Variants in KAZN observed in about 807,000 individuals in gnomAD.
The protein encoded by KAZN is kazrin, periplakin interacting protein, also known as kazrin.
In KAZN, 40 loss-of-function variants were observed where a neutral mutation model predicts 87.4. The ratio of observed to expected loss-of-function variants is 0.46; its 90% CI spans 0.36 to 0.60. The LOEUF is 0.60. Ranked by LOEUF, KAZN falls within the 20% of genes least tolerant of loss-of-function variation. The probability of loss-of-function intolerance (pLI) is 0.00; values close to 1 mark genes in which losing one functional copy is unlikely to be tolerated. For missense variants in KAZN, 898 were observed against 1,073.9 expected (o/e 0.84, Z 2.29); for synonymous variants, 466 against 458.3 (o/e 1.02, Z -0.22).
intron 1 of KAZN, among the ~76,000 whole-genome samples, chr1:13,960,697 T>G (rs1277778101): frequency 6.6e-6 from 1 of 152,224 alleles, no homozygotes; most frequent in Non-Finnish European, 1.5e-5. Context: ...CTTGGGCTAG[T>G]GTCTCCCAGG....
rs79019876 is a variant in KAZN at position 14,329,232 on chromosome 1, T to A, written c.249+148640T>A. On this transcript the variant is annotated intron_variant, in intron 2 of 16. Coordinates refer to the KAZN transcript ENST00000636203. The stretch of plus-strand genomic sequence containing the variant: ...TAACAACACTGAGCTTGTAACCTAC[T>A]AGATTAGCGGCTCCAGCAGAAGGAG... 6.1e-3 allele frequency among the ~76,000 whole-genome samples: 921 copies of A among 152,210 alleles called. 23 individuals are homozygous for A. In the East Asian group the frequency reaches 0.067, roughly 11 times the overall value.
chr1:14,678,434 C>A (rs1316948461), intron 1 of KAZN, among the ~76,000 whole-genome samples: 2 of 152,244 alleles, frequency 1.3e-5, no homozygotes, highest in African/African-American at 2.4e-5. Context: ...GCACTGTTGA[C>A]TTCCCTACTT....
chr1:14,993,167 TA>T (rs57404016), intron 2 of KAZN, among the ~76,000 whole-genome samples: 30,725 of 132,862 alleles, frequency 0.23, 3,236 homozygotes, highest in South Asian at 0.27. Flanking sequence ...CATAAGCAAT[TA>T]AAAAAAAAAA....
chr1:14,985,114 C>A (rs565372689), intron 2 of KAZN, among the ~76,000 whole-genome samples: 2 of 137,396 alleles, frequency 1.5e-5, no homozygotes, highest in East Asian at 2.2e-4. Context: ...CCAGCCTGGG[C>A]GACAGAGCAA....
chr1:15,019,967 G>A (rs527567575), intron 2 of KAZN, among the ~76,000 whole-genome samples: 3 of 152,196 alleles, frequency 2.0e-5, no homozygotes, highest in Non-Finnish European at 4.4e-5. Context: ...AGTAACACAC[G>A]GACAGCGTTG....
intron 1 of KAZN, among the ~76,000 whole-genome samples, chr1:14,145,376 C>T (rs190250250): frequency 8.8e-4 from 134 of 152,018 alleles, no homozygotes; most frequent in African/African-American, 3.1e-3. Context: ...TCAAGGAGGT[C>T]GAGGCTGCAG....
chr1:14,167,648 TG>T (rs909927655), intron 1 of KAZN, among the ~76,000 whole-genome samples: 2 of 151,940 alleles, frequency 1.3e-5, no homozygotes, highest in Non-Finnish European at 2.9e-5. Context: ...GCTTGCACCC[TG>T]GGGGTGGAGG....
At chr1:14,191,369 G>A (rs1646416352) in intron 2 of KAZN, among the ~76,000 whole-genome samples, 2 of 152,124 alleles carry the variant, frequency 1.3e-5, no homozygotes, top group South Asian at 4.1e-4. Flanking sequence ...AGGTGAAAGT[G>A]AGACATGGGT....
chr1:14,238,071 A>T (rs569377500), intron 2 of KAZN, among the ~76,000 whole-genome samples: 11 of 152,316 alleles, frequency 7.2e-5, no homozygotes, highest in Admixed American at 4.6e-4. Flanking sequence ...TTCACATACC[A>T]TACAATTCAG....
At chr1:14,531,190 G>A (rs1672190614) in intron 2 of KAZN, among the ~76,000 whole-genome samples, 1 of 152,154 alleles carries the variant, frequency 6.6e-6, no homozygotes, top group South Asian at 2.1e-4. Context: ...CCACTACAGA[G>A]CCCAAGACTC....
At chr1:14,739,875 C>T (rs923776865) in intron 1 of KAZN, among the ~76,000 whole-genome samples, 2 of 152,082 alleles carry the variant, frequency 1.3e-5, no homozygotes, top group African/African-American at 4.8e-5. Flanking sequence ...TTTGTATCTG[C>T]TCTGGGATTT....
chr1:14,560,331 A>G (rs369303715), intron 2 of KAZN, among the ~76,000 whole-genome samples: 14 of 152,278 alleles, frequency 9.2e-5, no homozygotes, highest in African/African-American at 3.4e-4. Context: ...CCCTTCAATG[A>G]TAATAGCTAC....
chr1:14,805,262 G>A (rs1646171906), intron 1 of KAZN, among the ~76,000 whole-genome samples: 1 of 152,168 alleles, frequency 6.6e-6, no homozygotes, highest in African/African-American at 2.4e-5. Flanking sequence ...CTTCTGCTTT[G>A]TTGCTGTGCC....
chr1:15,070,566 G>T (rs2100589128), intron 8 of KAZN, among the ~76,000 whole-genome samples: 1 of 152,360 alleles, frequency 6.6e-6, no homozygotes, highest in Non-Finnish European at 1.5e-5. Flanking sequence ...CCCCGCACCT[G>T]TGACAAACGG....
chr1:14,123,718 A>G (rs868565606), intron 1 of KAZN, among the ~76,000 whole-genome samples: 1 of 152,038 alleles, frequency 6.6e-6, no homozygotes, highest in Non-Finnish European at 1.5e-5. Flanking sequence ...TGGCTATTCT[A>G]TTTCTCTGAG....
intron 2 of KAZN, among the ~76,000 whole-genome samples, chr1:14,396,921 C>A (rs1004485242): frequency 6.6e-6 from 1 of 150,538 alleles, no homozygotes. Context: ...TTACTTAGAA[C>A]AAGATTGGCA....
chr1:14,556,579 G>A (rs778402114), intron 2 of KAZN, among the ~76,000 whole-genome samples: 3 of 151,994 alleles, frequency 2.0e-5, no homozygotes, highest in Admixed American at 2.0e-4. Context: ...ATTAAAAGAA[G>A]ACAACATTTT....
At chr1:15,053,573 G>T (rs575036155) in intron 4 of KAZN, among the ~76,000 whole-genome samples, 7 of 152,316 alleles carry the variant, frequency 4.6e-5, no homozygotes, top group African/African-American at 1.4e-4. Flanking sequence ...CACATCATTT[G>T]CGCTGGTTGT....
At chr1:13,985,886 TC>T (rs1210364897) in intron 1 of KAZN, among the ~76,000 whole-genome samples, 5 of 152,220 alleles carry the variant, frequency 3.3e-5, no homozygotes, top group Admixed American at 3.3e-4. Flanking sequence ...CAGATAATAT[TC>T]CATTATACAG....
Sources: gnomAD v4.1 joint callset for allele counts (sites outside exome capture counted in the v4.1 genomes callset) on GRCh38, gnomAD v4.1.1 for gene constraint, MANE v1.5 for transcripts, NCBI Gene and HGNC (gene_info 2026-07-23, HGNC 2026-07-21) for gene names.